TRIB3: variants seen among roughly 807,000 people sequenced by gnomAD.
TRIB3 encodes tribbles pseudokinase 3.
In TRIB3, 20 loss-of-function variants were observed where a neutral mutation model predicts 16.6. The ratio of observed to expected loss-of-function variants is 1.20; its 90% CI spans 0.85 to 1.75. The LOEUF (loss-of-function observed/expected upper bound fraction) is 1.75, where lower values mean the gene tolerates loss of function less well. Ranked by LOEUF, TRIB3 falls within the 40% of genes most tolerant of loss-of-function variation. The pLI is 0.00. For missense variants in TRIB3, 484 were observed against 488.9 expected, an observed-to-expected ratio of 0.99 and a Z score of 0.10; for synonymous variants, 208 against 217.0, an observed-to-expected ratio of 0.96 and a Z score of 0.36.
rs1049291062 is a variant in TRIB3, at chr20:391,378, C to G, written c.383C>G (p.Ala128Gly). The G allele has an allele frequency of 6.2e-7, 1 of 1,613,590 alleles. No individual in the cohort carries two copies. Among genetic ancestry groups the G allele is most frequent in the African/African-American group, 1.3e-5 (1 of 75,084 alleles). ...KHVARPTEVL[A>G]GTQLLYAFFT... ...GTGGCTCGGCCCACTGAGGTCCTGG[C>G]TGGTACCCAGCTCCTCTACGCCTTT... Residue 128 changes from alanine (A) to glycine (G), a missense_variant, in exon 3 of 4, where the codon GCT becomes GGT. Ala to Gly is a moderately conservative substitution (Grantham distance 60). Coordinates refer to ENST00000217233, the MANE Select transcript of TRIB3 (RefSeq NM_021158.5).
At chr20:389,930 G>A (rs181024518) in intron 2 of TRIB3, among the ~76,000 whole-genome samples, 46 of 152,272 alleles carry the variant, frequency 3.0e-4, no homozygotes, top group African/African-American at 1.0e-3. Context: ...TTGAGCACCC[G>A]TATTTGCCAT....
At position 388,245 on chromosome 20, in the gene TRIB3, G is replaced by A; in HGVS notation, c.235G>A (p.Gly79Ser). Residue 79 changes from glycine to serine, a missense_variant, in exon 2 of 4, where the codon GGC (glycine) becomes AGC (serine). Physicochemically the swap from Gly to Ser is moderately conservative, Grantham distance 56 (BLOSUM62 0). Coordinates refer to ENST00000217233, the MANE Select transcript of TRIB3 (RefSeq NM_021158.5). ...CTATGTCCTCCTGGAGCCCGAGGAG[G>A]GCGGGCGGGCCTACCAGGCCCTGCA... ...GPYVLLEPEE[G>S]GRAYQALHCP... is the part of the protein sequence containing the mutation. 5.0e-6 allele frequency: 8 copies of A among 1,613,518 alleles called. No homozygotes were observed. Among genetic ancestry groups the A allele is most frequent in the Non-Finnish European group, 6.8e-6 (8 of 1,180,012 alleles).
At chr20:389,596 C>G (rs1043275417) in intron 2 of TRIB3, among the ~76,000 whole-genome samples, 2 of 152,180 alleles carry the variant, frequency 1.3e-5, no homozygotes, top group African/African-American at 4.8e-5. Flanking sequence ...GCGCCCTTAC[C>G]AGGTGCCCTA....
intron 3 of TRIB3, among the ~76,000 whole-genome samples, chr20:395,116 C>T (rs1347498919): frequency 6.6e-6 from 1 of 151,246 alleles, no homozygotes; most frequent in Non-Finnish European, 1.5e-5. Context: ...TCTTTGAGTG[C>T]TCAGTGGAAG....
At chr20:391,874 T>C (rs943901340) in intron 3 of TRIB3, among the ~76,000 whole-genome samples, 8 of 151,902 alleles carry the variant, frequency 5.3e-5, no homozygotes, top group African/African-American at 1.9e-4. Flanking sequence ...ATACAAAAAT[T>C]AGCCTAGTGT....
At chr20:386,568 C>T (rs2014815801) in intron 1 of TRIB3, among the ~76,000 whole-genome samples, 3 of 151,982 alleles carry the variant, frequency 2.0e-5, no homozygotes, top group Admixed American at 6.6e-5. Flanking sequence ...ACCACCACGC[C>T]CGGCTAATTT....
At position 391,788 on chromosome 20, in the gene TRIB3, G is replaced by A. The variant is rs144400470; in HGVS notation, c.584+209G>A. ...TTTAATCCCAGCACTTTGGGAGGCC[G>A]AGGTGGGTGAATCACTTGAAGTCAG... On this transcript the variant is annotated intron_variant, in intron 3 of 3. Transcript: ENST00000217233. Among the ~76,000 whole-genome samples the A allele has an allele frequency of 5.1e-3, 777 of 152,278 alleles. 5 individuals are homozygous for A. Among genetic ancestry groups the A allele is most frequent in the African/African-American group, 0.016 (656 of 41,548 alleles).
At position 386,365 on chromosome 20, in the gene TRIB3, T is replaced by A. The variant is rs79725039; in HGVS notation, c.1-1646T>A. 6.4e-4 allele frequency among the ~76,000 whole-genome samples: 98 copies of A among 152,322 alleles called. 1 individual carries two copies. Among genetic ancestry groups the A allele is most frequent in the African/African-American group, 2.3e-3 (96 of 41,572 alleles). ...AACTATAATTTTTAGAAACAAGCTGTGTTTTTAAGCAGGTATTTATTTCCT... is the reference window on the plus strand; with the variant it reads ...AACTATAATTTTTAGAAACAAGCTGAGTTTTTAAGCAGGTATTTATTTCCT... On this transcript the variant is annotated intron_variant, in intron 1 of 3. Coordinates refer to ENST00000217233, the MANE Select transcript of TRIB3 (RefSeq NM_021158.5).
In TRIB3 at chr20:396,219, C is replaced by A; in HGVS notation, c.606C>A (p.Asn202Lys). 1 of 1,610,408 alleles carries A rather than the reference C, an allele frequency of 6.2e-7. No individual in the cohort carries two copies. The highest frequency in any genetic ancestry group is 8.5e-7 in the Non-Finnish European group (1 of 1,177,114). ...CCAGGAAGAAGCTGGTGCTGGAGAA[C>A]CTGGAGGACTCCTGCGTGCTGACTG... The part of the protein sequence containing the change: ...DRERKKLVLE[N>K]LEDSCVLTGP... Residue 202 changes from asparagine to lysine, a missense_variant, in exon 4 of 4, where the codon AAC becomes AAA. Physicochemically the swap from Asn to Lys is moderately conservative, Grantham distance 94 (BLOSUM62 0). Transcript: ENST00000217233.
At chr20:383,864 A>T (rs1307450756) in intron 1 of TRIB3, among the ~76,000 whole-genome samples, 1 of 152,264 alleles carries the variant, frequency 6.6e-6, no homozygotes, top group African/African-American at 2.4e-5. Flanking sequence ...CCCACTTTTC[A>T]TGACACTGCC....
intron 3 of TRIB3, among the ~76,000 whole-genome samples, chr20:392,665 G>A (rs1012955733): frequency 7.4e-5 from 11 of 149,414 alleles, no homozygotes; most frequent in African/African-American, 2.7e-4. Context: ...CAAGTGATAC[G>A]CCTGCCTCAG....
intron 1 of TRIB3, among the ~76,000 whole-genome samples, chr20:384,450 G>A (rs1009464030): frequency 6.6e-6 from 1 of 152,008 alleles, no homozygotes; most frequent in African/African-American, 2.4e-5. Flanking sequence ...TACAACCTCT[G>A]CCTCCCAGGC....
At chr20:389,777 C>T (rs1424645170) in intron 2 of TRIB3, among the ~76,000 whole-genome samples, 1 of 152,234 alleles carries the variant, frequency 6.6e-6, no homozygotes, top group African/African-American at 2.4e-5. Flanking sequence ...TCCACTGGAA[C>T]ATACTCACCC....
chr20:396,475 G>C lies in TRIB3; in HGVS notation c.862G>C (p.Ala288Pro), dbSNP rs767852731. The C allele has an allele frequency of 6.2e-7, 1 of 1,612,846 alleles. No individual in the cohort carries two copies. The highest frequency in any genetic ancestry group is 1.3e-5 in the African/African-American group (1 of 75,070). The change falls in exon 4 of 4, where the codon GCC becomes CCC. Residue 288 changes from alanine to proline, a missense_variant. Transcript: ENST00000217233. ...YALPAGLSAP[A>P]RCLVRCLLRR... ...CTTGCCTGCAGGCCTCTCGGCCCCT[G>C]CCCGCTGTCTGGTTCGCTGCCTCCT...
intron 1 of TRIB3, chr20:385,860 AT>A (rs567380598): frequency 0.059 from 7,865 of 134,120 alleles, 492 homozygotes; most frequent in East Asian, 0.19. Flanking sequence ...ACTGTATGTG[AT>A]TTTTTTTTTT....
chr20:395,315 C>G (rs2015095809), intron 3 of TRIB3, among the ~76,000 whole-genome samples: 1 of 151,994 alleles, frequency 6.6e-6, no homozygotes, highest in Non-Finnish European at 1.5e-5. Flanking sequence ...GTGCGAATCA[C>G]CATGCCTGCT....
intron 3 of TRIB3, among the ~76,000 whole-genome samples, chr20:392,345 C>T (rs1600254492): frequency 6.6e-6 from 1 of 152,112 alleles, no homozygotes; most frequent in Non-Finnish European, 1.5e-5. Context: ...CCTGGCTGGG[C>T]TTACCAACTG....
chr20:388,402 T>C, intron 2 of TRIB3, 101 bp downstream of exon 2: 1 of 1,389,348 alleles, frequency 7.2e-7, no homozygotes. Flanking sequence ...TGTTCATTCA[T>C]TCTTGTGTTT....
intron 1 of TRIB3, among the ~76,000 whole-genome samples, chr20:387,630 T>G (rs888735947): frequency 6.6e-6 from 1 of 151,916 alleles, no homozygotes; most frequent in Non-Finnish European, 1.5e-5. Context: ...TCTTAATACA[T>G]CTTGGAGATC....
Sources: gnomAD v4.1 joint callset for allele counts (sites outside exome capture counted in the v4.1 genomes callset) on GRCh38, gnomAD v4.1.1 for gene constraint, MANE v1.5 for transcripts, NCBI Gene and HGNC (gene_info 2026-07-23, HGNC 2026-07-21) for gene names.